Variants in TRPM7 observed in about 807,000 individuals in gnomAD.
TRPM7 encodes the protein LTRPC ion channel family member 7.
In TRPM7, 134 loss-of-function variants were observed where a neutral mutation model predicts 229.7. That is an observed-to-expected ratio of 0.58 (90% CI 0.51 to 0.67). The LOEUF is 0.67. Among genes scored for constraint, TRPM7 ranks in the 30% least tolerant of loss-of-function variants. TRPM7 has a pLI of 0.00. For synonymous variants in TRPM7, 699 were observed against 715.2 expected (o/e 0.98, Z 0.36); for missense variants, 1,901 against 2,210.0 (o/e 0.86, Z 2.80).
At chr15:50,682,020 G>C (rs2062249243) in intron 1 of TRPM7, among the ~76,000 whole-genome samples, 1 of 150,006 alleles carries the variant, frequency 6.7e-6, no homozygotes, top group Admixed American at 6.7e-5. Flanking sequence ...TCTACTAAAA[G>C]TACAAAAATT....
rs763804112 is a variant in TRPM7 at position 50,593,758 on chromosome 15, G to A, written c.3476-9C>T. 1.0e-5 allele frequency: 16 copies of A among 1,594,236 alleles called. No individual in the cohort carries two copies. The highest frequency in any genetic ancestry group is 5.8e-5 in the South Asian group (5 of 85,816). ...TTCTGTTAAGAAAAGTTCTATGGGA[G>A]GAAAAGGAGAAGAAAATCAAGGAAG... On this transcript the variant is annotated splice_polypyrimidine_tract_variant and intron_variant, in intron 24 of 38. Transcript: ENST00000646667.
chr15:50,595,946 A>G (rs981126994), intron 23 of TRPM7, among the ~76,000 whole-genome samples: 5 of 152,162 alleles, frequency 3.3e-5, no homozygotes, highest in Non-Finnish European at 7.4e-5. Context: ...AAAGGTGTAC[A>G]CCCAAATATT....
At chr15:50,599,427 T>G in intron 21 of TRPM7, 131 bp from the exon 22 acceptor site, 1 of 559,352 alleles carries the variant, frequency 1.8e-6, no homozygotes, top group South Asian at 3.6e-5. Flanking sequence ...ATTCTTTTTG[T>G]TCCTAGTGAT....
At chr15:50,588,180 A>G in intron 27 of TRPM7, 5 of 979,874 alleles carry the variant, frequency 5.1e-6, no homozygotes, top group Non-Finnish European at 6.1e-6. Flanking sequence ...CATATACTAA[A>G]GAGACTTTAC....
chr15:50,629,835 T>A (rs62017189), intron 10 of TRPM7, among the ~76,000 whole-genome samples: 50,704 of 147,606 alleles, frequency 0.34, 9,953 homozygotes, highest in Admixed American at 0.47. Context: ...AAATAATTCA[T>A]GAATATGGTA....
At chr15:50,616,456 T>C (rs2060224242) in intron 13 of TRPM7, among the ~76,000 whole-genome samples, 1 of 152,176 alleles carries the variant, frequency 6.6e-6, no homozygotes, top group African/African-American at 2.4e-5. Flanking sequence ...GAATTTTAAT[T>C]ATTTAAAAAG....
At chr15:50,620,303 T>G (rs1247348307) in intron 12 of TRPM7, among the ~76,000 whole-genome samples, 1 of 148,526 alleles carries the variant, frequency 6.7e-6, no homozygotes, top group African/African-American at 2.5e-5. Flanking sequence ...TTTTTCAATT[T>G]TTTTCAATTT....
chr15:50,583,061 T>G, intron 29 of TRPM7, 28 bp downstream of exon 29: 2 of 1,489,984 alleles, frequency 1.3e-6, no homozygotes, highest in Non-Finnish European at 1.8e-6. Flanking sequence ...TTTAATAATA[T>G]ATATCTGTTT....
chr15:50,641,560 T>A (rs1019355546), intron 5 of TRPM7, among the ~76,000 whole-genome samples: 1 of 152,208 alleles, frequency 6.6e-6, no homozygotes, highest in South Asian at 2.1e-4. Context: ...ATAACACTTA[T>A]CAGCATCTAA....
chr15:50,627,461 G>A (rs1325484053), intron 11 of TRPM7, among the ~76,000 whole-genome samples: 1 of 152,092 alleles, frequency 6.6e-6, no homozygotes, highest in Non-Finnish European at 1.5e-5. Context: ...CTAGAGATAG[G>A]AGCATGCTTG....
Position 50,609,977 on chromosome 15 carries a change from C to T in TRPM7, c.2281-16G>A. On this transcript the variant is annotated splice_polypyrimidine_tract_variant and intron_variant, in intron 17 of 38. Transcript: ENST00000646667. ...TTAGTATGACCTAAATTTTTAGAAACATAATTTTGCATTTAAAAATTAATG... is the reference window on the plus strand; with the variant it reads ...TTAGTATGACCTAAATTTTTAGAAATATAATTTTGCATTTAAAAATTAATG... The T allele has an allele frequency of 1.3e-6, 2 of 1,514,252 alleles. No individual in the cohort carries two copies. Among genetic ancestry groups the T allele is most frequent in the Non-Finnish European group, 1.8e-6 (2 of 1,120,292 alleles). The allele number at this position is 1,514,252 out of a possible 1,614,324, so 93.8% of individuals were successfully genotyped here. A position where few individuals can be genotyped will look rare whatever the true frequency, so the allele number is the denominator to read the frequency against.
At chr15:50,603,264 T>A (rs768957417) in intron 21 of TRPM7, among the ~76,000 whole-genome samples, 10 of 152,112 alleles carry the variant, frequency 6.6e-5, no homozygotes, top group Non-Finnish European at 1.0e-4. Flanking sequence ...GCGAAGATAA[T>A]CTTGTGAGCT....
rs969140893 is a variant in TRPM7 at position 50,663,032 on chromosome 15, C to A, written c.18G>T (p.Trp6Cys). 5.0e-6 allele frequency: 8 copies of A among 1,613,268 alleles called. No homozygotes were observed. In the African/African-American group the frequency reaches 5.3e-5, roughly 11 times the overall value. The part of the protein sequence containing the change: MSQKS[W>C]IESTLTKREC... Reference sequence around the variant, plus strand: ...CCCTCTTGGTCAAAGTGCTTTCTATCCAGGATTTCTGGGACTAAAACAAAA... The same window carrying A: ...CCCTCTTGGTCAAAGTGCTTTCTATACAGGATTTCTGGGACTAAAACAAAA... Residue 6 changes from tryptophan to cysteine, a missense_variant, in exon 2 of 39, where the codon TGG becomes TGT. By Grantham distance (215) the Trp-to-Cys change is radical. This residue lies in a region of TRPM7 where 794 missense variants were observed against 881.9 expected (regional missense o/e 0.90). Coordinates refer to ENST00000646667, the MANE Select transcript of TRPM7 (RefSeq NM_017672.6).
Position 50,592,498 on chromosome 15 carries a change from A to G in TRPM7, c.3737T>C (p.Leu1246Ser). 5 of 1,614,120 alleles carry G rather than the reference A, an allele frequency of 3.1e-6. No homozygotes were observed. The highest frequency in any genetic ancestry group is 4.2e-6 in the Non-Finnish European group (5 of 1,180,028). ...QDLSALTVDT[L>S]KTLTAQKASE... is the part of the protein sequence containing the mutation. ...CGCTTTCTGGGCAGTGAGTGTTTTT[A>G]ATGTATCTACCGTCAGGGCTGAAAG... Residue 1246 changes from leucine to serine, a missense_variant, in exon 26 of 39, where the codon TTA (leucine) becomes TCA (serine). Physicochemically the swap from Leu to Ser is moderately radical, Grantham distance 145. Transcript: ENST00000646667.
intron 6 of TRPM7, among the ~76,000 whole-genome samples, chr15:50,638,374 A>G (rs1460177069): frequency 3.2e-5 from 4 of 123,756 alleles, no homozygotes; most frequent in Admixed American, 3.1e-4. Flanking sequence ...AAAAAAAAAA[A>G]AAAAAAAAAA....
At chr15:50,606,786 A>C (rs1435900036) in intron 20 of TRPM7, among the ~76,000 whole-genome samples, 1 of 152,196 alleles carries the variant, frequency 6.6e-6, no homozygotes, top group African/African-American at 2.4e-5. Context: ...GGCGTGAGCC[A>C]CCGCGCCTGG....
chr15:50,573,051 C>T (rs970184939), intron 36 of TRPM7, among the ~76,000 whole-genome samples: 1 of 152,124 alleles, frequency 6.6e-6, no homozygotes, highest in African/African-American at 2.4e-5. Flanking sequence ...TTGCAGTCAC[C>T]ATTTCTTTTT....
Position 50,686,572 on chromosome 15 carries a change from ACCTCCTCCT to A in TRPM7, c.-48_-40del. ...CGGACTCCGGAAGGGCAGCAACTCC[ACCTCCTCCT>A]CCTCCGCGGCCTGTAGCCATCTATC... is the stretch of plus-strand genomic sequence containing the variant. On this transcript the variant is annotated 5_prime_UTR_variant, in exon 1 of 39. Coordinates refer to ENST00000646667, the MANE Select transcript of TRPM7 (RefSeq NM_017672.6). The A allele has an allele frequency of 6.2e-7, 1 of 1,602,706 alleles. No individual in the cohort carries two copies. The highest frequency in any genetic ancestry group is 8.5e-7 in the Non-Finnish European group (1 of 1,174,190).
chr15:50,571,616 C>CCAACA (rs2053890546), intron 36 of TRPM7, among the ~76,000 whole-genome samples: 2 of 151,294 alleles, frequency 1.3e-5, no homozygotes, highest in Admixed American at 1.3e-4. Context: ...TGGGGTAAAA[C>CCAACA]CAACACAACA....
Sources: gnomAD v4.1 joint callset for allele counts (sites outside exome capture counted in the v4.1 genomes callset) on GRCh38, gnomAD v4.1.1 for gene constraint, gnomAD v4.1.1 regional missense constraint, MANE v1.5 for transcripts, NCBI Gene and HGNC (gene_info 2026-07-23, HGNC 2026-07-21) for gene names.